PIK3R5: variants seen among roughly 807,000 people sequenced by gnomAD.
PIK3R5 encodes the protein phosphoinositide-3-kinase regulatory subunit 5.
In PIK3R5, 32 loss-of-function variants were observed where a neutral mutation model predicts 94.9. That is an observed-to-expected ratio of 0.34 (90% CI 0.25 to 0.45). PIK3R5 has a LOEUF of 0.45. PIK3R5 is among the 20% of genes least tolerant of loss of function. PIK3R5 has a pLI of 1.00. For synonymous variants in PIK3R5, 443 were observed against 479.4 expected (o/e 0.92, Z 0.99); for missense variants, 853 against 1,144.6 (o/e 0.75, Z 3.68).
At chr17:8,958,768 T>C (rs892865062) in intron 1 of PIK3R5, among the ~76,000 whole-genome samples, 1 of 151,830 alleles carries the variant, frequency 6.6e-6, no homozygotes, top group African/African-American at 2.4e-5. Context: ...CTCTTTTTTT[T>C]TTTTTCTGAG....
At chr17:8,939,800 C>T (rs907919425) in intron 1 of PIK3R5, among the ~76,000 whole-genome samples, 3 of 152,176 alleles carry the variant, frequency 2.0e-5, no homozygotes, top group Non-Finnish European at 4.4e-5. Context: ...CGTGGCCCCT[C>T]CCTCTCCCAG....
Position 8,887,081 on chromosome 17 carries a change from CACG to C in PIK3R5, c.1905+12_1905+14del. ...CAGCCAGTGGACCCTGTTCCGCAAC[CACG>C]GGGCCACTTACCTGGCACAGGACTT... is the stretch of plus-strand genomic sequence containing the variant. On this transcript the variant is annotated intron_variant, in intron 12 of 18. Transcript: ENST00000447110. 1 of 1,613,708 alleles carries C rather than the reference CACG, an allele frequency of 6.2e-7. No homozygotes were observed. The highest frequency in any genetic ancestry group is 8.5e-7 in the Non-Finnish European group (1 of 1,179,880).
rs2089991125 is a variant in PIK3R5, at chr17:8,890,324, A to T, written c.658-198T>A. ...CTCAGGAAATGGTCAGGAGAGAAAGATCCAGAGCCACGGCACTGCAGTTAG... is the reference window on the plus strand; with the variant it reads ...CTCAGGAAATGGTCAGGAGAGAAAGTTCCAGAGCCACGGCACTGCAGTTAG... On this transcript the variant is annotated intron_variant, in intron 7 of 18. Transcript: ENST00000447110. The surrounding 1 kb of genome is among the most constrained non-coding windows in gnomAD (Gnocchi z 6.1). Among the ~76,000 whole-genome samples the T allele has an allele frequency of 6.6e-6, 1 of 152,072 alleles. No individual in the cohort carries two copies. The highest frequency in any genetic ancestry group is 1.5e-5 in the Non-Finnish European group (1 of 67,990).
At position 8,890,004 on chromosome 17, in the gene PIK3R5, C is replaced by T. The variant is rs376161216; in HGVS notation, c.780G>A (p.Val260=). The change falls in exon 8 of 19, where the codon GTG becomes GTA. Residue 260 remains valine (V), a synonymous_variant. Coordinates refer to ENST00000447110, the MANE Select transcript of PIK3R5 (RefSeq NM_001142633.3). This position sits in a 1 kb window ranked among gnomAD's most constrained non-coding sequence, Gnocchi z 6.1. ...CCCCAGGGAAGCCAGCTTTTTCTCCCACCGCCTGCAGCTTGGTCCTGAGCC... is the reference window on the plus strand; with the variant it reads ...CCCCAGGGAAGCCAGCTTTTTCTCCTACCGCCTGCAGCTTGGTCCTGAGCC... ...RRWLRTKLQA[V]GEKAGFPGVL... 2 of 1,613,798 alleles carry T rather than the reference C, an allele frequency of 1.2e-6. No individual in the cohort carries two copies. The highest frequency in any genetic ancestry group is 1.3e-5 in the African/African-American group (1 of 74,870).
rs573702597 is a variant in PIK3R5 at position 8,895,014 on chromosome 17, G to T, written c.413-1359C>A. Among the ~76,000 whole-genome samples the T allele has an allele frequency of 6.7e-4, 102 of 152,246 alleles. 2 individuals are homozygous for T. In the South Asian group the frequency reaches 0.021, roughly 31 times the overall value. Reference sequence around the variant, plus strand: ...ATTGCTTTGATTTTTGGCCTTTTGCGTGATGTTTACTTTATGTAATCATCG... The same window carrying T: ...ATTGCTTTGATTTTTGGCCTTTTGCTTGATGTTTACTTTATGTAATCATCG... On this transcript the variant is annotated intron_variant, in intron 5 of 18. Transcript: ENST00000447110.
intron 3 of PIK3R5, 152 bp downstream of exon 3, chr17:8,908,922 T>A: frequency 1.7e-6 from 1 of 588,810 alleles, no homozygotes; most frequent in Non-Finnish European, 3.1e-6. Context: ...CATATGCAAG[T>A]GCTACCGAAA....
Position 8,904,769 on chromosome 17 carries a change from G to C in PIK3R5, c.412+8C>G. 1.2e-6 allele frequency: 2 copies of C among 1,614,074 alleles called. No homozygotes were observed. The highest frequency in any genetic ancestry group is 1.7e-6 in the Non-Finnish European group (2 of 1,179,948). On this transcript the variant is annotated splice_region_variant and intron_variant, in intron 5 of 18. Transcript: ENST00000447110. The surrounding 1 kb of genome is among the most constrained non-coding windows in gnomAD (Gnocchi z 5.1). ...CCTGTCCCCCGTGCCAGCTGCCTCA[G>C]TGCTTACCTGGGGCCTTGAGTTCAG...
intron 5 of PIK3R5, among the ~76,000 whole-genome samples, chr17:8,900,200 T>C (rs1405240789): frequency 2.0e-5 from 3 of 152,206 alleles, no homozygotes; most frequent in Admixed American, 6.5e-5. Flanking sequence ...TTTTGTTCAA[T>C]AGAAAAGATA....
At chr17:8,960,676 T>G (rs1366248476) in intron 1 of PIK3R5, among the ~76,000 whole-genome samples, 1 of 151,988 alleles carries the variant, frequency 6.6e-6, no homozygotes, top group South Asian at 2.1e-4. Context: ...TGGCTAGGAG[T>G]TGGGGAGCCT....
rs1326567139 is a variant in PIK3R5 at position 8,893,453 on chromosome 17, T to C, written c.482+133A>G. On this transcript the variant is annotated intron_variant, in intron 6 of 18. Transcript: ENST00000447110. The surrounding 1 kb of genome is among the most constrained non-coding windows in gnomAD (Gnocchi z 5.1). ...GGGGGTTCCCAGTTCCCTGGAAGCC[T>C]GTTTGTTGCTGGCTGGGGTGGACAG... The C allele has an allele frequency of 3.4e-5, 24 of 703,994 alleles. No individual in the cohort carries two copies. The South Asian group carries it at 4.0e-4, about 12-fold the overall frequency. The allele number at this position is 703,994 out of a possible 1,614,324, so 43.6% of individuals were successfully genotyped here. A position where few individuals can be genotyped will look rare whatever the true frequency, so the allele number is the denominator to read the frequency against.
At chr17:8,963,934 G>A (rs1005520) in intron 1 of PIK3R5, among the ~76,000 whole-genome samples, 124,638 of 152,034 alleles carry the variant, frequency 0.82, 51,304 homozygotes, top group Non-Finnish European at 0.85. Flanking sequence ...AAGCAAGAAA[G>A]TAGCTTGACC....
chr17:8,894,043 C>G (rs1371284920), intron 5 of PIK3R5: 1 of 172,456 alleles, frequency 5.8e-6, no homozygotes, highest in Non-Finnish European at 1.3e-5. Flanking sequence ...GAGCCCGTGT[C>G]GGAAGCCTGA....
Position 8,951,044 on chromosome 17 carries a change from T to A in PIK3R5, c.-14+14552A>T, listed in dbSNP as rs905031858. 3.3e-5 allele frequency among the ~76,000 whole-genome samples: 5 copies of A among 152,226 alleles called. No individual in the cohort carries two copies. In the East Asian group the frequency reaches 5.8e-4, roughly 18 times the overall value. On this transcript the variant is annotated intron_variant, in intron 1 of 18. Transcript: ENST00000447110. ...AAGGTTTTGATTTGCATTTCCCTCA[T>A]AATCAGTGATAATGAGCATTATCTT... is the stretch of plus-strand genomic sequence containing the variant.
chr17:8,939,156 CT>C (rs1394323634), intron 1 of PIK3R5, among the ~76,000 whole-genome samples: 5 of 152,288 alleles, frequency 3.3e-5, no homozygotes, highest in African/African-American at 1.2e-4. Context: ...AACGATGGCT[CT>C]GAGAGATAAA....
At position 8,955,108 on chromosome 17, in the gene PIK3R5, CAGA is replaced by C. The variant is rs1234978378; in HGVS notation, c.-14+10485_-14+10487del. Among the ~76,000 whole-genome samples the C allele has an allele frequency of 6.6e-6, 1 of 152,096 alleles. No individual in the cohort carries two copies. The highest frequency in any genetic ancestry group is 2.4e-5 in the African/African-American group (1 of 41,394). ...TGTCTGAAGCCCTTGCAGTTGTGCACAGAAGACCAGTGATATGTCTGGAGGGTC... is the reference window on the plus strand; with the variant it reads ...TGTCTGAAGCCCTTGCAGTTGTGCACAGACCAGTGATATGTCTGGAGGGTC... On this transcript the variant is annotated intron_variant, in intron 1 of 18. Transcript: ENST00000447110. The surrounding 1 kb of genome is among the most constrained non-coding windows in gnomAD (Gnocchi z 4.4).
At chr17:8,919,958 C>T (rs868043120) in intron 1 of PIK3R5, among the ~76,000 whole-genome samples, 4 of 140,538 alleles carry the variant, frequency 2.8e-5, no homozygotes, top group Admixed American at 7.8e-5. Context: ...GGCGTGATCT[C>T]GGCTCACTGC....
At position 8,909,098 on chromosome 17, in the gene PIK3R5, C is replaced by T; in HGVS notation, c.180G>A (p.Glu60=). The T allele has an allele frequency of 6.2e-7, 1 of 1,609,108 alleles. No homozygotes were observed. Among genetic ancestry groups the T allele is most frequent in the Non-Finnish European group, 8.5e-7 (1 of 1,177,234 alleles). Residue 60 remains glutamate, a synonymous_variant, in exon 3 of 19, where the codon GAG becomes GAA. Coordinates refer to ENST00000447110, the MANE Select transcript of PIK3R5 (RefSeq NM_001142633.3). The surrounding 1 kb of genome is among the most constrained non-coding windows in gnomAD (Gnocchi z 4.3). ...CCTCTCGGGTCTTCTGCAGGATCTG[C>T]TCAAGGAGGATAAGGAAGTGGCCCG... ...RDPGHFLILL[E]QILQKTREVQ...
chr17:8,940,227 G>A (rs1369190402), intron 1 of PIK3R5, among the ~76,000 whole-genome samples: 4 of 152,242 alleles, frequency 2.6e-5, no homozygotes, highest in African/African-American at 4.8e-5. Flanking sequence ...AGCTGGGCAC[G>A]TGGGAGGCCC....
rs10048192 is a variant in PIK3R5, at chr17:8,955,520, G to A, written c.-14+10076C>T. On this transcript the variant is annotated intron_variant, in intron 1 of 18. Coordinates refer to ENST00000447110, the MANE Select transcript of PIK3R5 (RefSeq NM_001142633.3). This position sits in a 1 kb window ranked among gnomAD's most constrained non-coding sequence, Gnocchi z 4.4. ...GACTCTGGACTCTCCCTAAGCAGTG[G>A]GGTGCCATCAAAGTATCTGAACACA... Among the ~76,000 whole-genome samples the A allele has an allele frequency of 0.044, 6,744 of 152,236 alleles. 206 individuals carry two copies. Among genetic ancestry groups the A allele is most frequent in the Non-Finnish European group, 0.064 (4,354 of 68,006 alleles).
Sources: allele counts gnomAD v4.1 joint callset (sites outside exome capture counted in the v4.1 genomes callset), GRCh38; gene constraint gnomAD v4.1.1; non-coding constraint Gnocchi (gnomAD v3.1); transcripts MANE v1.5; gene names NCBI Gene and HGNC (gene_info 2026-07-23, HGNC 2026-07-21).